The following NTN1 variants were observed in gnomAD, a reference collection of about 807,000 sequenced individuals.
NTN1 encodes netrin-1.
Under a neutral mutation model 54.2 loss-of-function variants are expected in NTN1, and 11 were observed. That is an observed-to-expected ratio of 0.20 (90% CI 0.13 to 0.34). The LOEUF is 0.34. Among genes scored for constraint, NTN1 ranks in the 10% least tolerant of loss-of-function variants. The probability of loss-of-function intolerance (pLI) is 1.00; values close to 1 mark genes in which losing one functional copy is unlikely to be tolerated. For missense variants in NTN1, 740 were observed against 893.1 expected, an observed-to-expected ratio of 0.83 and a Z score of 2.18; for synonymous variants, 371 against 382.0, an observed-to-expected ratio of 0.97 and a Z score of 0.33.
chr17:9,067,875 C>G (rs2092020230), intron 2 of NTN1, among the ~76,000 whole-genome samples: 1 of 152,166 alleles, frequency 6.6e-6, no homozygotes, highest in Non-Finnish European at 1.5e-5. Context: ...CTAGAAGCCT[C>G]TGGTGCAAAC....
rs182833142 is a variant in NTN1 at position 9,217,439 on chromosome 17, C to T, written c.1412-3729C>T. Among the ~76,000 whole-genome samples the T allele has an allele frequency of 8.5e-5, 13 of 152,310 alleles. No individual in the cohort carries two copies. The East Asian group carries it at 2.1e-3, about 25-fold the overall frequency. On this transcript the variant is annotated intron_variant, in intron 5 of 6. Transcript: ENST00000173229. ...AAACAAGGAGGAGCTACATGAGAGG[C>T]TGCCAAATAGATGCCAGTTTGAAGA...
At chr17:9,147,372 G>A (rs1464155601) in intron 2 of NTN1, among the ~76,000 whole-genome samples, 10 of 152,160 alleles carry the variant, frequency 6.6e-5, no homozygotes, top group South Asian at 4.1e-4. Flanking sequence ...TAAATTAGCC[G>A]GGCATAGTGG....
chr17:9,082,205 A>G (rs1387524957), intron 2 of NTN1, among the ~76,000 whole-genome samples: 1 of 152,082 alleles, frequency 6.6e-6, no homozygotes, highest in Non-Finnish European at 1.5e-5. Context: ...GATTAGAGGC[A>G]CCCACCACCA....
chr17:9,149,824 T>C (rs1173513781), intron 2 of NTN1, among the ~76,000 whole-genome samples: 1 of 152,086 alleles, frequency 6.6e-6, no homozygotes, highest in East Asian at 1.9e-4. Context: ...TCCCAGCACT[T>C]TGGGAGGCTG....
intron 2 of NTN1, among the ~76,000 whole-genome samples, chr17:9,132,988 T>C (rs2092270355): frequency 6.6e-6 from 1 of 152,180 alleles, no homozygotes; most frequent in South Asian, 2.1e-4. Flanking sequence ...GAAATGCTGT[T>C]GGTTAAGCAT....
intron 2 of NTN1, among the ~76,000 whole-genome samples, chr17:9,076,498 G>A (rs1228317967): frequency 2.0e-5 from 3 of 152,018 alleles, no homozygotes; most frequent in Admixed American, 1.3e-4. Flanking sequence ...TCAGCATCCC[G>A]AGTAGCTGGG....
intron 3 of NTN1, among the ~76,000 whole-genome samples, chr17:9,169,820 G>A (rs551984074): frequency 5.3e-5 from 8 of 152,272 alleles, no homozygotes; most frequent in South Asian, 4.2e-4. Context: ...AGCCGAGATC[G>A]CACCATTGCA....
intron 4 of NTN1, among the ~76,000 whole-genome samples, chr17:9,182,697 C>T (rs2092422065): frequency 2.0e-5 from 3 of 152,214 alleles, no homozygotes; most frequent in Non-Finnish European, 4.4e-5. Flanking sequence ...TCCACACCCC[C>T]CTGCCAGGTG....
intron 5 of NTN1, among the ~76,000 whole-genome samples, chr17:9,220,569 C>G (rs1463915400): frequency 1.3e-5 from 2 of 152,044 alleles, no homozygotes; most frequent in Non-Finnish European, 2.9e-5. Flanking sequence ...ACCCAGTGGA[C>G]GCAGGCCTAG....
At chr17:9,208,606 A>G (rs1905026449) in intron 5 of NTN1, among the ~76,000 whole-genome samples, 1 of 152,244 alleles carries the variant, frequency 6.6e-6, no homozygotes, top group African/African-American at 2.4e-5. Context: ...GCACAGGAAC[A>G]GATTCCAAGC....
At chr17:9,202,560 G>A (rs1444735177) in intron 5 of NTN1, among the ~76,000 whole-genome samples, 1 of 152,164 alleles carries the variant, frequency 6.6e-6, no homozygotes, top group Non-Finnish European at 1.5e-5. Context: ...TTGCCGGTGG[G>A]GGGACTTCAG....
At chr17:9,105,958 G>A (rs894238959) in intron 2 of NTN1, among the ~76,000 whole-genome samples, 3 of 151,994 alleles carry the variant, frequency 2.0e-5, no homozygotes, top group Admixed American at 6.6e-5. Flanking sequence ...GGGGAGTGGG[G>A]AAACCAAGAG....
At chr17:9,193,938 A>AAAAAAAAAAAAAAAAAAAAAAAAAAAC (rs796452392) in intron 5 of NTN1, among the ~76,000 whole-genome samples, 13 of 108,294 alleles carry the variant, frequency 1.2e-4, no homozygotes, top group Non-Finnish European at 2.3e-4. Flanking sequence ...AAAAAAAAAA[A>AAAAAAAAAAAAAAAAAAAAAAAAAAAC]AAAAAACATT....
At position 9,052,352 on chromosome 17, in the gene NTN1, G is replaced by A. The variant is rs115008695; in HGVS notation, c.1018+28961G>A. ...TGGAATGATTGAGGGCATGTTATAT[G>A]TGCTTTCCCTATGACCCCGGCAGGT... On this transcript the variant is annotated intron_variant, in intron 2 of 6. Transcript: ENST00000173229. Among the ~76,000 whole-genome samples, 370 of 152,316 alleles carry A rather than the reference G, an allele frequency of 2.4e-3. 1 individual carries two copies. Among genetic ancestry groups the A allele is most frequent in the African/African-American group, 8.6e-3 (357 of 41,570 alleles).
intron 5 of NTN1, among the ~76,000 whole-genome samples, chr17:9,205,843 T>C (rs1904953844): frequency 6.6e-6 from 1 of 152,242 alleles, no homozygotes; most frequent in Non-Finnish European, 1.5e-5. Context: ...GTAATGGCCA[T>C]GGCCGTCCTA....
intron 2 of NTN1, among the ~76,000 whole-genome samples, chr17:9,133,343 T>C (rs1239757979): frequency 1.3e-5 from 2 of 152,212 alleles, no homozygotes; most frequent in Non-Finnish European, 2.9e-5. Context: ...GGAGGTCAGG[T>C]GCTCGCCTAA....
intron 2 of NTN1, among the ~76,000 whole-genome samples, chr17:9,142,603 TAGGG>T (rs2092301572): frequency 6.6e-6 from 1 of 151,760 alleles, no homozygotes; most frequent in African/African-American, 2.4e-5. Flanking sequence ...AGGCTTGAAA[TAGGG>T]AGGTGGGTGA....
At chr17:9,084,926 A>T (rs2092085567) in intron 2 of NTN1, among the ~76,000 whole-genome samples, 2 of 152,144 alleles carry the variant, frequency 1.3e-5, no homozygotes, top group African/African-American at 4.8e-5. Context: ...GCTGGATTAC[A>T]GGCGTGAGCC....
chr17:9,007,691 CCTTCCTTT>C, the NTN1 span, among the ~76,000 whole-genome samples: 6 of 149,130 alleles, frequency 4.0e-5, no homozygotes, highest in Admixed American at 1.4e-4. Flanking sequence ...TTTCTTCCTT[CCTTCCTTT>C]CTTCCTTTCT....
Sources: gnomAD v4.1 joint callset for allele counts (sites outside exome capture counted in the v4.1 genomes callset) on GRCh38, gnomAD v4.1.1 for gene constraint, MANE v1.5 for transcripts, NCBI Gene and HGNC (gene_info 2026-07-23, HGNC 2026-07-21) for gene names.